The following RAB3B variants were observed in gnomAD, a reference collection of about 807,000 sequenced individuals.
RAB3B encodes the protein RAB3B, member RAS oncogene family.
RAB3B carries 11 observed loss-of-function variants against 20.5 expected under a neutral mutation model. The ratio of observed to expected loss-of-function variants is 0.54; its 90% CI spans 0.34 to 0.89. The LOEUF is 0.89. Ranked by LOEUF, RAB3B falls within the 40% of genes least tolerant of loss-of-function variation. The probability of loss-of-function intolerance (pLI) is 0.02; values close to 1 mark genes in which losing one functional copy is unlikely to be tolerated. For synonymous variants in RAB3B, 99 were observed against 106.3 expected (o/e 0.93, Z 0.42); for missense variants, 225 against 280.9 (o/e 0.80, Z 1.42).
intron 4 of RAB3B, among the ~76,000 whole-genome samples, chr1:51,921,639 A>T (rs139404808): frequency 1.4e-3 from 218 of 152,152 alleles, no homozygotes; most frequent in African/African-American, 5.0e-3. Flanking sequence ...TGCTCACTTA[A>T]CCTCTCCAAT....
At position 51,913,476 on chromosome 1, in the gene RAB3B, C is replaced by CTTTTTTTTTT. The variant is rs544606257; in HGVS notation, c.*6450_*6451insAAAAAAAAAA. 1 of 148,364 alleles carries CTTTTTTTTTT rather than the reference C, an allele frequency of 6.7e-6. No homozygotes were observed. The highest frequency in any genetic ancestry group is 1.5e-5 in the Non-Finnish European group (1 of 66,950). 9.2% of individuals were successfully genotyped at this position (148,364 alleles called of 1,614,324 possible). The stretch of plus-strand genomic sequence containing the variant: ...AGAGATGGCATCTATTTCCCCCTCC[C>CTTTTTTTTTT]CTTTTTTTTTTTTGAGACTGAGTCT... On this transcript the variant is annotated 3_prime_UTR_variant, in exon 5 of 5. Transcript: ENST00000371655.
chr1:51,977,783 C>T (rs1222744930), intron 1 of RAB3B, among the ~76,000 whole-genome samples: 1 of 152,112 alleles, frequency 6.6e-6, no homozygotes, highest in Non-Finnish European at 1.5e-5. Flanking sequence ...GCCTGGGTAG[C>T]AGAGCAAGAC....
chr1:51,963,477 C>T (rs1684809458), intron 2 of RAB3B, among the ~76,000 whole-genome samples: 1 of 152,176 alleles, frequency 6.6e-6, no homozygotes, highest in Non-Finnish European at 1.5e-5. Flanking sequence ...ATCCTCAGAG[C>T]AAAACATGGC....
At chr1:51,954,659 C>A (rs77832968) in intron 2 of RAB3B, among the ~76,000 whole-genome samples, 2,006 of 152,134 alleles carry the variant, frequency 0.013, 42 homozygotes, top group African/African-American at 0.047. Flanking sequence ...TTGAAATTTT[C>A]CATAATAAAA....
At chr1:51,927,185 AC>A (rs757350085) in intron 4 of RAB3B, among the ~76,000 whole-genome samples, 3 of 152,148 alleles carry the variant, frequency 2.0e-5, no homozygotes, top group Non-Finnish European at 4.4e-5. Flanking sequence ...TTTATTGAGC[AC>A]CTAAAATAAG....
chr1:51,957,854 T>C (rs1276873390), intron 2 of RAB3B, among the ~76,000 whole-genome samples: 1 of 152,108 alleles, frequency 6.6e-6, no homozygotes, highest in Non-Finnish European at 1.5e-5. Context: ...AAGCCTCCGT[T>C]GGTGGTAAAT....
chr1:51,964,875 T>C (rs1292427007), intron 2 of RAB3B, among the ~76,000 whole-genome samples: 1 of 152,226 alleles, frequency 6.6e-6, no homozygotes, highest in Non-Finnish European at 1.5e-5. Context: ...TGCACTTTGC[T>C]CTTCATAATT....
Position 51,933,493 on chromosome 1 carries a change from G to A in RAB3B, c.348-51C>T, listed in dbSNP as rs1684355806. On this transcript the variant is annotated intron_variant, in intron 3 of 4. Coordinates refer to ENST00000371655, the MANE Select transcript of RAB3B (RefSeq NM_002867.4). ...TTAATCATATTCCTATAGACTGAAT[G>A]TCTGTGTCCCCACCTCCAAATTTAC... The A allele has an allele frequency of 5.2e-6, 8 of 1,534,874 alleles. 1 individual carries two copies. The Admixed American group carries it at 9.1e-5, about 17-fold the overall frequency.
chr1:51,966,733 T>C (rs1366515818), intron 2 of RAB3B, among the ~76,000 whole-genome samples: 1 of 151,992 alleles, frequency 6.6e-6, no homozygotes, highest in Non-Finnish European at 1.5e-5. Flanking sequence ...CCTAGAAAAA[T>C]CAATTCTGAT....
In RAB3B at chr1:51,920,017, C is replaced by T. The variant is rs372724740; in HGVS notation, c.570G>A (p.Ser190=). The T allele has an allele frequency of 9.3e-6, 15 of 1,613,958 alleles. No homozygotes were observed. Among genetic ancestry groups the T allele is most frequent in the African/African-American group, 5.3e-5 (4 of 74,892 alleles). ...CCAGCATCGACGGGTCTGTGTCCAG[C>T]GAATCAGACATCTTGTCACAAATGG... The part of the protein sequence containing the change: ...VDAICDKMSD[S]LDTDPSMLGS... The change falls in exon 5 of 5, where the codon TCG becomes TCA. Residue 190 remains serine (S), a synonymous_variant. Coordinates refer to ENST00000371655, the MANE Select transcript of RAB3B (RefSeq NM_002867.4).
chr1:51,957,369 G>A (rs1208634614), intron 2 of RAB3B, among the ~76,000 whole-genome samples: 1 of 152,126 alleles, frequency 6.6e-6, no homozygotes. Flanking sequence ...TAATTTTAGT[G>A]TTCCTTCAGC....
intron 2 of RAB3B, among the ~76,000 whole-genome samples, chr1:51,976,498 C>T (rs1031673755): frequency 6.6e-6 from 1 of 152,160 alleles, no homozygotes; most frequent in Admixed American, 6.6e-5. Flanking sequence ...AAGGACCCAA[C>T]AGCCTTATGA....
intron 2 of RAB3B, among the ~76,000 whole-genome samples, chr1:51,971,125 T>C (rs1369873843): frequency 6.6e-6 from 1 of 151,992 alleles, no homozygotes; most frequent in Non-Finnish European, 1.5e-5. Context: ...AGACACAGTA[T>C]TATGTTATCA....
intron 1 of RAB3B, chr1:51,980,570 A>G (rs1685073262): frequency 2.6e-6 from 2 of 764,280 alleles, no homozygotes; most frequent in South Asian, 2.7e-5. Flanking sequence ...GTGCCCAAGG[A>G]CAAGGCCATT....
intron 4 of RAB3B, among the ~76,000 whole-genome samples, chr1:51,922,949 G>A (rs1158346274): frequency 2.0e-5 from 3 of 152,060 alleles, no homozygotes; most frequent in Admixed American, 6.6e-5. Flanking sequence ...TGCCCGCCTC[G>A]GTCTCCCAAA....
intron 1 of RAB3B, 80 bp from the exon 2 acceptor site, chr1:51,977,197 C>T: frequency 3.0e-6 from 3 of 1,009,452 alleles, no homozygotes; most frequent in Non-Finnish European, 4.6e-6. Flanking sequence ...GGTCACCCCA[C>T]CATTCACACA....
At position 51,933,420 on chromosome 1, in the gene RAB3B, A is replaced by C; in HGVS notation, c.370T>G (p.Ser124Ala). The C allele has an allele frequency of 1.2e-6, 2 of 1,613,056 alleles. No individual in the cohort carries two copies. Among genetic ancestry groups the C allele is most frequent in the Non-Finnish European group, 1.7e-6 (2 of 1,179,086 alleles). Reference sequence around the variant, plus strand: ...AGAATAACTTGTGCATTGTCCCAGGAGTAGGTCTTGATCTGAGTAGCCCTA... The same window carrying C: ...AGAATAACTTGTGCATTGTCCCAGGCGTAGGTCTTGATCTGAGTAGCCCTA... ...QDWATQIKTY[S>A]WDNAQVILVG... is the part of the protein sequence containing the mutation. Residue 124 changes from serine (S) to alanine (A), a missense_variant, in exon 4 of 5, where the codon TCC (serine) becomes GCC (alanine). Physicochemically the swap from Ser to Ala is moderately conservative, Grantham distance 99. Transcript: ENST00000371655.
rs892319038 is a variant in RAB3B at position 51,919,860 on chromosome 1, G to A, written c.*67C>T. 1 of 1,470,684 alleles carries A rather than the reference G, an allele frequency of 6.8e-7. No individual in the cohort carries two copies. Among genetic ancestry groups the A allele is most frequent in the Non-Finnish European group, 9.3e-7 (1 of 1,076,148 alleles). The allele number at this position is 1,470,684 out of a possible 1,614,324, so 91.1% of individuals were successfully genotyped here. A position where few individuals can be genotyped will look rare whatever the true frequency, so the allele number is the denominator to read the frequency against. ...GGAGAGTGGGCTGAGAGCGGACAGT[G>A]TGTAACAGGGAGAAGCAGACTGGGT... On this transcript the variant is annotated 3_prime_UTR_variant, in exon 5 of 5. Coordinates refer to ENST00000371655, the MANE Select transcript of RAB3B (RefSeq NM_002867.4).
chr1:51,911,873 A>C lies in RAB3B; in HGVS notation c.*8054T>G, dbSNP rs973735561. 17 of 152,150 alleles carry C rather than the reference A, an allele frequency of 1.1e-4. No homozygotes were observed. Among genetic ancestry groups the C allele is most frequent in the Admixed American group, 1.1e-3 (17 of 15,262 alleles). The allele number at this position is 152,150 out of a possible 1,614,324, so 9.4% of individuals were successfully genotyped here. The stretch of plus-strand genomic sequence containing the variant: ...CATGCTCCGTTTATTGACAGTCTTC[A>C]CTAGAATCACCTGGTTTGGGTTAGG... On this transcript the variant is annotated 3_prime_UTR_variant, in exon 5 of 5. Coordinates refer to ENST00000371655, the MANE Select transcript of RAB3B (RefSeq NM_002867.4).
Sources: allele counts gnomAD v4.1 joint callset (sites outside exome capture counted in the v4.1 genomes callset), GRCh38; gene constraint gnomAD v4.1.1; transcripts MANE v1.5; gene names NCBI Gene and HGNC (gene_info 2026-07-23, HGNC 2026-07-21).